DYNC1I1: variants seen among roughly 807,000 people sequenced by gnomAD.
DYNC1I1 encodes dynein cytoplasmic 1 intermediate chain 1, also known as cytoplasmic dynein 1 intermediate chain 1.
DYNC1I1 carries 43 observed loss-of-function variants against 86.6 expected under a neutral mutation model. The observed-to-expected ratio is 0.50, with a 90% CI of 0.39 to 0.64. DYNC1I1 has a LOEUF of 0.64. Among genes scored for constraint, DYNC1I1 ranks in the 30% least tolerant of loss-of-function variants. The pLI is 0.00. For missense variants in DYNC1I1, 604 were observed against 788.8 expected (o/e 0.77, Z 2.81); for synonymous variants, 262 against 283.7 (o/e 0.92, Z 0.77).
intron 16 of DYNC1I1, among the ~76,000 whole-genome samples, chr7:96,090,313 A>G (rs564822265): frequency 3.0e-4 from 45 of 152,212 alleles, no homozygotes; most frequent in Non-Finnish European, 5.9e-4. Flanking sequence ...CATGCTTCCT[A>G]TAATGCTAAA....
intron 6 of DYNC1I1, among the ~76,000 whole-genome samples, chr7:95,907,248 C>T (rs982037795): frequency 6.6e-6 from 1 of 152,158 alleles, no homozygotes; most frequent in Non-Finnish European, 1.5e-5. Context: ...CCCGCTTTTT[C>T]ATGTTTGAAG....
chr7:95,851,366 G>T (rs1345514377), intron 5 of DYNC1I1, among the ~76,000 whole-genome samples: 2 of 151,984 alleles, frequency 1.3e-5, no homozygotes, highest in Non-Finnish European at 2.9e-5. Context: ...GACAGCGCAA[G>T]ATTTTATCAT....
At chr7:96,014,232 C>T (rs188686495) in intron 10 of DYNC1I1, among the ~76,000 whole-genome samples, 41 of 151,804 alleles carry the variant, frequency 2.7e-4, no homozygotes, top group Non-Finnish European at 3.8e-4. Flanking sequence ...TGGCCCTTAA[C>T]TTAATTGAAG....
chr7:95,809,133 T>C (rs2690298), intron 2 of DYNC1I1, among the ~76,000 whole-genome samples: 41,301 of 152,042 alleles, frequency 0.27, 6,301 homozygotes, highest in African/African-American at 0.41. Flanking sequence ...TAATGACAGA[T>C]AGACTTCAAA....
At chr7:95,803,833 C>G (rs1429556028) in intron 1 of DYNC1I1, among the ~76,000 whole-genome samples, 1 of 152,122 alleles carries the variant, frequency 6.6e-6, no homozygotes, top group East Asian at 1.9e-4. Context: ...TTTGGGAGCA[C>G]AAAAGACTCA....
At chr7:95,860,747 C>G (rs1789855077) in intron 5 of DYNC1I1, among the ~76,000 whole-genome samples, 1 of 152,092 alleles carries the variant, frequency 6.6e-6, no homozygotes, top group African/African-American at 2.4e-5. Flanking sequence ...TTGTGAGGGC[C>G]TTATTGCTGC....
intron 4 of DYNC1I1, among the ~76,000 whole-genome samples, chr7:95,814,078 C>T (rs1341809238): frequency 6.6e-6 from 1 of 152,166 alleles, no homozygotes; most frequent in African/African-American, 2.4e-5. Context: ...TTCCCACATG[C>T]CGGGGTCCAC....
intron 5 of DYNC1I1, among the ~76,000 whole-genome samples, chr7:95,830,752 A>G (rs1444196357): frequency 6.6e-6 from 1 of 152,156 alleles, no homozygotes; most frequent in East Asian, 1.9e-4. Flanking sequence ...CATATAGTAG[A>G]TACACATTTA....
chr7:96,024,079 A>T (rs1432238650), intron 10 of DYNC1I1, among the ~76,000 whole-genome samples: 3 of 152,166 alleles, frequency 2.0e-5, no homozygotes, highest in African/African-American at 7.2e-5. Context: ...ATATGAGCTC[A>T]TCGTATTTCT....
At chr7:96,085,235 AGAT>A (rs1471394554) in intron 16 of DYNC1I1, among the ~76,000 whole-genome samples, 5 of 152,212 alleles carry the variant, frequency 3.3e-5, no homozygotes, top group Non-Finnish European at 7.3e-5. Flanking sequence ...ATGACTTTTA[AGAT>A]GATAGCAGAG....
chr7:96,039,020 A>G (rs1002051774), intron 13 of DYNC1I1, among the ~76,000 whole-genome samples: 1 of 152,238 alleles, frequency 6.6e-6, no homozygotes, highest in African/African-American at 2.4e-5. Flanking sequence ...GAATTAAATA[A>G]TAAATATTGA....
rs1014781101 is a variant in DYNC1I1 at position 96,050,208 on chromosome 7, G to A, written c.1509+10787G>A. Among the ~76,000 whole-genome samples the A allele has an allele frequency of 5.9e-5, 9 of 152,244 alleles. No homozygotes were observed. The South Asian group carries it at 1.7e-3, about 28-fold the overall frequency. On this transcript the variant is annotated intron_variant, in intron 14 of 16. Transcript: ENST00000447467. ...ATTAAAAAAGGAAGTCTGTATTCGA[G>A]GGGGAATGTCATGCTGGAATTAGCA...
intron 9 of DYNC1I1, among the ~76,000 whole-genome samples, chr7:95,988,832 CT>C (rs1793660334): frequency 6.6e-6 from 1 of 152,116 alleles, no homozygotes; most frequent in African/African-American, 2.4e-5. Context: ...TTATTTCCCC[CT>C]CACAACAATC....
rs542425546 is a variant in DYNC1I1, at chr7:95,989,453, C to T, written c.843+2298C>T. On this transcript the variant is annotated intron_variant, in intron 9 of 16. Transcript: ENST00000447467. ...GTGTGCACAGAAATCAGATCCAAGC[C>T]TGAGGAAACACTTAGCTCAGCTTGT... is the stretch of plus-strand genomic sequence containing the variant. 1.6e-4 allele frequency among the ~76,000 whole-genome samples: 24 copies of T among 152,304 alleles called. No homozygotes were observed. The East Asian group carries it at 4.6e-3, about 29-fold the overall frequency.
rs1171713223 is a variant in DYNC1I1 at position 96,063,083 on chromosome 7, ATGTG to A, written c.1510-12960_1510-12957del. On this transcript the variant is annotated intron_variant, in intron 14 of 16. Transcript: ENST00000447467. ...TCTTCAGAAAGGGGAATATATGTGT[ATGTG>A]TGTGTGTGTGTGTATATATATGTGT... Among the ~76,000 whole-genome samples the A allele has an allele frequency of 2.1e-5, 3 of 142,690 alleles. No homozygotes were observed. In the East Asian group the frequency reaches 6.2e-4, roughly 29 times the overall value. The allele number at this position is 142,690 out of a possible 152,430, so 93.6% of individuals were successfully genotyped here.
intron 6 of DYNC1I1, among the ~76,000 whole-genome samples, chr7:95,899,979 G>A (rs909174495): frequency 4.6e-5 from 7 of 152,096 alleles, no homozygotes; most frequent in Non-Finnish European, 8.8e-5. Context: ...TATCATGTAG[G>A]TGCTCGCCTG....
chr7:96,065,390 T>G (rs1789943726), intron 14 of DYNC1I1, among the ~76,000 whole-genome samples: 1 of 149,670 alleles, frequency 6.7e-6, no homozygotes, highest in African/African-American at 2.5e-5. Flanking sequence ...TTTTTTTTTT[T>G]TTTTTGAGAC....
chr7:95,912,198 G>A (rs1354894482), intron 6 of DYNC1I1, among the ~76,000 whole-genome samples: 11 of 152,108 alleles, frequency 7.2e-5, no homozygotes, highest in South Asian at 4.2e-4. Context: ...CACCACACCC[G>A]GCTAATTTTT....
Position 96,076,076 on chromosome 7 carries a change from C to T in DYNC1I1, c.1529C>T (p.Ser510Phe). 1.2e-6 allele frequency: 2 copies of T among 1,614,168 alleles called. No homozygotes were observed. The highest frequency in any genetic ancestry group is 1.7e-6 in the Non-Finnish European group (2 of 1,180,006). Residue 510 changes from serine to phenylalanine, a missense_variant, in exon 15 of 17, where the codon TCC (serine) becomes TTC (phenylalanine). Ser to Phe is a radical substitution (Grantham distance 155). Coordinates refer to ENST00000447467, the MANE Select transcript of DYNC1I1 (RefSeq NM_001135556.2). Reference protein sequence around the residue: ...WTTKHNKPLYSFEDNADYVYD... With the variant: ...WTTKHNKPLYFFEDNADYVYD... ...TTACAGCACAACAAGCCGCTCTACT[C>T]CTTTGAAGACAATGCAGACTATGTG...
Sources: allele counts gnomAD v4.1 joint callset (sites outside exome capture counted in the v4.1 genomes callset), GRCh38; gene constraint gnomAD v4.1.1; transcripts MANE v1.5; gene names NCBI Gene and HGNC (gene_info 2026-07-23, HGNC 2026-07-21).